Variants in NAV2 observed in about 807,000 individuals in gnomAD.
NAV2 encodes helicase, APC down-regulated 1.
NAV2 carries 54 observed loss-of-function variants against 223.2 expected under a neutral mutation model. That is an observed-to-expected ratio of 0.24 (90% confidence interval 0.19 to 0.30). The LOEUF is 0.30. Ranked by LOEUF, NAV2 falls within the 10% of genes least tolerant of loss-of-function variation. The probability of loss-of-function intolerance (pLI) is 1.00; values close to 1 mark genes in which losing one functional copy is unlikely to be tolerated. For missense variants in NAV2, 2,806 were observed against 3,147.5 expected (o/e 0.89, Z 2.60); for synonymous variants, 1,279 against 1,239.3 (o/e 1.03, Z -0.67).
At chr11:19,440,659 G>C (rs1851369312) in intron 1 of NAV2, among the ~76,000 whole-genome samples, 1 of 152,184 alleles carries the variant, frequency 6.6e-6, no homozygotes, top group Admixed American at 6.5e-5. Flanking sequence ...GGGGGTGAGA[G>C]ATGGGCACAG....
intron 1 of NAV2, among the ~76,000 whole-genome samples, chr11:19,728,496 G>A (rs1357969737): frequency 6.6e-6 from 1 of 152,190 alleles, no homozygotes; most frequent in Non-Finnish European, 1.5e-5. Context: ...ATAGTGAAGT[G>A]GAAAAGAGCG....
At chr11:19,963,774 T>TG (rs1439316561) in intron 10 of NAV2, among the ~76,000 whole-genome samples, 1 of 152,120 alleles carries the variant, frequency 6.6e-6, no homozygotes, top group Non-Finnish European at 1.5e-5. Flanking sequence ...AGAAAGTGAA[T>TG]GGGGGCAAAA....
At chr11:19,476,023 G>T (rs1037613314) in intron 1 of NAV2, among the ~76,000 whole-genome samples, 1 of 152,142 alleles carries the variant, frequency 6.6e-6, no homozygotes, top group African/African-American at 2.4e-5. Context: ...TCACTAGGCT[G>T]GAGTGCAGCG....
At chr11:19,608,696 C>T (rs2046547240) in intron 1 of NAV2, among the ~76,000 whole-genome samples, 1 of 152,230 alleles carries the variant, frequency 6.6e-6, no homozygotes, top group East Asian at 1.9e-4. Context: ...AACAGGATTT[C>T]CTTCCCTTTC....
intron 11 of NAV2, among the ~76,000 whole-genome samples, chr11:20,001,706 G>A (rs1188039480): frequency 1.5e-5 from 2 of 132,958 alleles, no homozygotes; most frequent in African/African-American, 5.6e-5. Context: ...GGCCTGTTGT[G>A]GGGTGGGGGG....
intron 4 of NAV2, among the ~76,000 whole-genome samples, chr11:19,878,825 T>A (rs990444949): frequency 6.6e-6 from 1 of 152,196 alleles, no homozygotes; most frequent in Admixed American, 6.5e-5. Context: ...CTCTTGTTCC[T>A]TCACTAGCAG....
intron 1 of NAV2, among the ~76,000 whole-genome samples, chr11:19,663,084 C>T (rs2048329324): frequency 6.6e-6 from 1 of 152,176 alleles, no homozygotes; most frequent in Admixed American, 6.5e-5. Context: ...CCCCAACCAG[C>T]CCATGTTGAC....
chr11:19,527,957 C>A (rs1365384584), intron 1 of NAV2, among the ~76,000 whole-genome samples: 1 of 152,122 alleles, frequency 6.6e-6, no homozygotes, highest in South Asian at 2.1e-4. Flanking sequence ...CACACACACA[C>A]ACACACACAC....
At chr11:19,541,453 A>G (rs1448029306) in intron 1 of NAV2, among the ~76,000 whole-genome samples, 6 of 152,254 alleles carry the variant, frequency 3.9e-5, no homozygotes, top group Admixed American at 3.9e-4. Flanking sequence ...GCGTTGGGCC[A>G]TGTGGCCCAT....
At chr11:20,008,736 C>T (rs1591640343) in intron 11 of NAV2, among the ~76,000 whole-genome samples, 2 of 147,158 alleles carry the variant, frequency 1.4e-5, no homozygotes, top group Non-Finnish European at 1.5e-5. Context: ...TTCCTCAGAC[C>T]TTTTTTTTTT....
chr11:19,728,734 G>A (rs2051469559), intron 1 of NAV2, among the ~76,000 whole-genome samples: 1 of 152,228 alleles, frequency 6.6e-6, no homozygotes, highest in Admixed American at 6.5e-5. Flanking sequence ...TCTTGGGTGT[G>A]AGTATGTCTG....
intron 2 of NAV2, among the ~76,000 whole-genome samples, chr11:19,834,149 T>C (rs2060103895): frequency 6.6e-6 from 1 of 152,218 alleles, no homozygotes; most frequent in South Asian, 2.1e-4. Flanking sequence ...GTAAAGTCTG[T>C]CTGCCACATT....
chr11:19,899,734 A>G (rs1758866305), intron 6 of NAV2, among the ~76,000 whole-genome samples: 1 of 152,152 alleles, frequency 6.6e-6, no homozygotes, highest in South Asian at 2.1e-4. Flanking sequence ...CCGAGAAGTG[A>G]TATCATTTGT....
chr11:19,563,543 A>C (rs1438159749), intron 1 of NAV2, among the ~76,000 whole-genome samples: 1 of 152,234 alleles, frequency 6.6e-6, no homozygotes, highest in African/African-American at 2.4e-5. Context: ...GCTGCAGTAA[A>C]TCTTGAAGTA....
At chr11:20,073,060 T>A (rs909506155) in intron 22 of NAV2, among the ~76,000 whole-genome samples, 3 of 152,208 alleles carry the variant, frequency 2.0e-5, no homozygotes, top group Admixed American at 6.5e-5. Flanking sequence ...CAGTATGATA[T>A]TGGCTGTGGG....
chr11:19,879,578 G>A (rs982897728), intron 4 of NAV2, among the ~76,000 whole-genome samples: 3 of 152,126 alleles, frequency 2.0e-5, no homozygotes, highest in Admixed American at 6.5e-5. Context: ...GAACAAGCAC[G>A]GTCTTGCTCG....
intron 1 of NAV2, among the ~76,000 whole-genome samples, chr11:19,806,515 G>A (rs2058568527): frequency 6.6e-6 from 1 of 152,218 alleles, no homozygotes; most frequent in South Asian, 2.1e-4. Context: ...GAAAGAAGAA[G>A]GTATGATGAT....
chr11:19,670,743 A>C (rs1467618282), intron 1 of NAV2, among the ~76,000 whole-genome samples: 3 of 152,220 alleles, frequency 2.0e-5, no homozygotes, highest in Non-Finnish European at 4.4e-5. Flanking sequence ...AGAAGCAGCC[A>C]ATTAGGTGAT....
At position 19,713,975 on chromosome 11, in the gene NAV2, G is replaced by A. The variant is rs750044125; in HGVS notation, c.267+13G>A. The A allele has an allele frequency of 5.6e-6, 9 of 1,612,382 alleles. No homozygotes were observed. The highest frequency in any genetic ancestry group is 2.7e-5 in the African/African-American group (2 of 75,038). ...GTTCGATACCCAGGTGAGAGATGCCGTTTGCCGGGGTACTGTTCTGGAAGG... is the reference window on the plus strand; with the variant it reads ...GTTCGATACCCAGGTGAGAGATGCCATTTGCCGGGGTACTGTTCTGGAAGG... On this transcript the variant is annotated intron_variant, in intron 1 of 37. Transcript: ENST00000349880. This position sits in a 1 kb window ranked among gnomAD's most constrained non-coding sequence, Gnocchi z 7.2.
Sources: allele counts gnomAD v4.1 joint callset (sites outside exome capture counted in the v4.1 genomes callset), GRCh38; gene constraint gnomAD v4.1.1; non-coding constraint Gnocchi (gnomAD v3.1); transcripts MANE v1.5; gene names NCBI Gene and HGNC (gene_info 2026-07-23, HGNC 2026-07-21).